AUTS2: variants seen among roughly 807,000 people sequenced by gnomAD.
AUTS2 encodes autism susceptibility gene 2 protein.
AUTS2 carries 17 observed loss-of-function variants against 112.4 expected under a neutral mutation model. The ratio of observed to expected loss-of-function variants is 0.15; its 90% CI spans 0.10 to 0.23. The LOEUF (loss-of-function observed/expected upper bound fraction) is 0.23, where lower values mean the gene tolerates loss of function less well. Among genes scored for constraint, AUTS2 ranks in the 10% least tolerant of loss-of-function variants. The pLI is 1.00. For missense variants in AUTS2, 1,510 were observed against 1,701.6 expected (o/e 0.89, Z 1.98); for synonymous variants, 751 against 702.7 (o/e 1.07, Z -1.09).
intron 5 of AUTS2, among the ~76,000 whole-genome samples, chr7:70,529,303 G>T (rs979007606): frequency 5.9e-5 from 9 of 152,204 alleles, no homozygotes; most frequent in African/African-American, 2.2e-4. Context: ...GTATTTCATA[G>T]CCTACAAAGC....
At chr7:70,366,141 TAAAG>T (rs1203837033) in intron 4 of AUTS2, among the ~76,000 whole-genome samples, 3 of 152,324 alleles carry the variant, frequency 2.0e-5, no homozygotes, top group African/African-American at 7.2e-5. Flanking sequence ...CTTCATTTAT[TAAAG>T]AGAGAGAGAG....
intron 3 of AUTS2, among the ~76,000 whole-genome samples, chr7:70,125,562 T>G (rs1163593368): frequency 1.3e-5 from 2 of 152,154 alleles, no homozygotes; most frequent in African/African-American, 2.4e-5. Flanking sequence ...GGGAACCTTC[T>G]GCAGCTTTCA....
chr7:70,787,149 C>A (rs765842679), intron 17 of AUTS2, 60 bp from the exon 18 acceptor site: 1 of 1,525,900 alleles, frequency 6.6e-7, no homozygotes, highest in Non-Finnish European at 9.0e-7. Flanking sequence ...TAAGTACCTT[C>A]ATTACAGCAG....
chr7:69,959,554 T>A (rs976355347), intron 2 of AUTS2, among the ~76,000 whole-genome samples: 1 of 152,130 alleles, frequency 6.6e-6, no homozygotes, highest in African/African-American at 2.4e-5. Context: ...TCTCGGACTT[T>A]GTTATCACCT....
At chr7:69,747,127 G>A (rs1033454374) in intron 1 of AUTS2, among the ~76,000 whole-genome samples, 2 of 152,198 alleles carry the variant, frequency 1.3e-5, no homozygotes, top group African/African-American at 2.4e-5. Context: ...CCTACCCAAA[G>A]GGTTTCTGAT....
chr7:70,227,920 G>A (rs922972011), intron 4 of AUTS2, among the ~76,000 whole-genome samples: 2 of 152,178 alleles, frequency 1.3e-5, no homozygotes, highest in African/African-American at 4.8e-5. Context: ...GGGGTGGAGT[G>A]TTCTTAGGTC....
At chr7:69,773,491 CTTTTTCCCCAAGCCT>C (rs1034913469) in intron 1 of AUTS2, among the ~76,000 whole-genome samples, 1 of 150,450 alleles carries the variant, frequency 6.6e-6, no homozygotes, top group Non-Finnish European at 1.5e-5. Flanking sequence ...TAAGAAAAAC[CTTTTTCCCCAAGCCT>C]TTGGCTTGGG....
chr7:70,005,729 G>A (rs1433744477), intron 2 of AUTS2, among the ~76,000 whole-genome samples: 1 of 152,038 alleles, frequency 6.6e-6, no homozygotes, highest in African/African-American at 2.4e-5. Flanking sequence ...AATCAACAAG[G>A]GCAAGGAAGT....
chr7:70,642,631 TA>T (rs1805901145), intron 5 of AUTS2, among the ~76,000 whole-genome samples: 1 of 152,178 alleles, frequency 6.6e-6, no homozygotes, highest in Non-Finnish European at 1.5e-5. Context: ...CCTGTGTCCA[TA>T]CTGATGACAT....
chr7:70,221,624 C>T (rs746521806), intron 4 of AUTS2, among the ~76,000 whole-genome samples: 7 of 152,222 alleles, frequency 4.6e-5, no homozygotes, highest in Non-Finnish European at 1.0e-4. Context: ...CGGTGACTCA[C>T]GCCTGTATTC....
chr7:70,769,703 A>G (rs1281815163), intron 10 of AUTS2, among the ~76,000 whole-genome samples: 2 of 152,118 alleles, frequency 1.3e-5, no homozygotes, highest in Non-Finnish European at 2.9e-5. Flanking sequence ...ATAATAATTA[A>G]TATAGAAAGT....
chr7:70,363,254 T>A (rs1792359689), intron 4 of AUTS2, among the ~76,000 whole-genome samples: 1 of 152,194 alleles, frequency 6.6e-6, no homozygotes, highest in South Asian at 2.1e-4. Flanking sequence ...ATCTGAGTGT[T>A]TATTAGATGA....
intron 4 of AUTS2, among the ~76,000 whole-genome samples, chr7:70,367,571 T>A (rs1230605685): frequency 6.8e-6 from 1 of 146,274 alleles, no homozygotes. Context: ...AAAAAAAAAT[T>A]GTAAAAAATA....
chr7:70,463,622 T>C (rs1797058675), intron 5 of AUTS2, among the ~76,000 whole-genome samples: 1 of 152,210 alleles, frequency 6.6e-6, no homozygotes, highest in African/African-American at 2.4e-5. Flanking sequence ...TCTTTTGAGG[T>C]CATGGAAATG....
chr7:70,787,174 C>T, intron 17 of AUTS2, 35 bp from the exon 18 acceptor site: 1 of 1,605,080 alleles, frequency 6.2e-7, no homozygotes, highest in Non-Finnish European at 8.5e-7. Flanking sequence ...TATAATTTCT[C>T]TTAAACCTTT....
intron 2 of AUTS2, among the ~76,000 whole-genome samples, chr7:70,002,791 A>G (rs1021643257): frequency 6.6e-6 from 1 of 152,038 alleles, no homozygotes; most frequent in African/African-American, 2.4e-5. Context: ...ATTGAAGGTA[A>G]GATTTGCCCA....
At chr7:70,653,908 G>A (rs1300683021) in intron 5 of AUTS2, among the ~76,000 whole-genome samples, 2 of 152,176 alleles carry the variant, frequency 1.3e-5, no homozygotes, top group African/African-American at 4.8e-5. Context: ...TGTACTGTTT[G>A]TATAAATTAG....
intron 5 of AUTS2, among the ~76,000 whole-genome samples, chr7:70,569,290 T>C (rs946153381): frequency 6.6e-6 from 1 of 152,216 alleles, no homozygotes; most frequent in Non-Finnish European, 1.5e-5. Flanking sequence ...TAGGGAACCT[T>C]GTTAGCTCAT....
At chr7:70,117,268 A>G (rs187740157) in intron 2 of AUTS2, among the ~76,000 whole-genome samples, 8 of 151,844 alleles carry the variant, frequency 5.3e-5, no homozygotes, top group African/African-American at 1.9e-4. Flanking sequence ...GTTCTTTTAA[A>G]TATGTAGTAA....
Sources: allele counts gnomAD v4.1 joint callset (sites outside exome capture counted in the v4.1 genomes callset), GRCh38; gene constraint gnomAD v4.1.1; transcripts MANE v1.5; gene names NCBI Gene and HGNC (gene_info 2026-07-23, HGNC 2026-07-21).